The following CRACDL variants were observed in gnomAD, a reference collection of about 807,000 sequenced individuals.
CRACDL encodes CRACD-like protein.
Under a neutral mutation model 70.6 loss-of-function variants are expected in CRACDL, and 26 were observed. The observed-to-expected ratio is 0.37, with a 90% confidence interval of 0.27 to 0.51. CRACDL has a LOEUF of 0.51. CRACDL is among the 20% of genes least tolerant of loss of function. The pLI is 0.94. For missense variants in CRACDL, 1,283 were observed against 1,376.9 expected (o/e 0.93, Z 1.08); for synonymous variants, 618 against 615.2 (o/e 1.00, Z -0.07).
At chr2:98,909,124 G>A (rs2104671490) in intron 1 of CRACDL, among the ~76,000 whole-genome samples, 1 of 152,284 alleles carries the variant, frequency 6.6e-6, no homozygotes, top group Non-Finnish European at 1.5e-5. Context: ...CTCTGGGGAG[G>A]TTTCTTCAGT....
intron 1 of CRACDL, among the ~76,000 whole-genome samples, chr2:98,918,216 G>A (rs1325592707): frequency 6.6e-6 from 1 of 152,094 alleles, no homozygotes; most frequent in Non-Finnish European, 1.5e-5. Context: ...CATACAGCTT[G>A]TACTAATTTA....
chr2:98,794,693 C>T lies in CRACDL; in HGVS notation c.2750-22G>A, dbSNP rs573076500. The T allele has an allele frequency of 1.9e-5, 30 of 1,595,796 alleles. No homozygotes were observed. In the East Asian group the frequency reaches 6.5e-4, roughly 35 times the overall value. ...TGAGCTGCTTGGAAGGGAGACAAAA[C>T]CAACAGAAACATGAGCAGTGACTTC... On this transcript the variant is annotated intron_variant, in intron 9 of 9. Transcript: ENST00000397899.
chr2:98,842,180 C>T (rs919180733), intron 2 of CRACDL, among the ~76,000 whole-genome samples: 3 of 151,882 alleles, frequency 2.0e-5, no homozygotes, highest in Non-Finnish European at 4.4e-5. Flanking sequence ...CTCTCTATGC[C>T]CCTTGTTCCC....
intron 2 of CRACDL, among the ~76,000 whole-genome samples, chr2:98,844,960 A>G (rs992186774): frequency 9.2e-5 from 14 of 152,212 alleles, no homozygotes; most frequent in African/African-American, 3.1e-4. Context: ...GTTTACCCCT[A>G]GTTCACACCT....
At chr2:98,898,951 G>T (rs544034821) in intron 1 of CRACDL, among the ~76,000 whole-genome samples, 1 of 152,320 alleles carries the variant, frequency 6.6e-6, no homozygotes, top group South Asian at 2.1e-4. Context: ...CCAGACAGGG[G>T]TCACAATTCA....
At chr2:98,893,958 G>A (rs373918953) in intron 1 of CRACDL, among the ~76,000 whole-genome samples, 2 of 152,290 alleles carry the variant, frequency 1.3e-5, no homozygotes, top group East Asian at 1.9e-4. Context: ...GGGCATGGGC[G>A]TGGGCATCAG....
intron 1 of CRACDL, chr2:98,869,002 C>T (rs768424297): frequency 9.8e-6 from 9 of 921,938 alleles, no homozygotes; most frequent in African/African-American, 3.4e-5. Flanking sequence ...TGGCCACCCA[C>T]GCCCCGGGAG....
chr2:98,821,204 A>T (rs1413572465), intron 7 of CRACDL, among the ~76,000 whole-genome samples: 3 of 152,102 alleles, frequency 2.0e-5, no homozygotes, highest in Non-Finnish European at 4.4e-5. Flanking sequence ...CTCTTTTTAA[A>T]ACAGACAGGG....
rs1705193333 is a variant in CRACDL at position 98,823,675 on chromosome 2, A to G, written c.736-138T>C. The G allele has an allele frequency of 9.4e-7, 1 of 1,064,032 alleles. No homozygotes were observed. Among genetic ancestry groups the G allele is most frequent in the Admixed American group, 2.3e-5 (1 of 43,116 alleles). The allele number at this position is 1,064,032 out of a possible 1,614,324, so 65.9% of individuals were successfully genotyped here. A position where few individuals can be genotyped will look rare whatever the true frequency, so the allele number is the denominator to read the frequency against. ...CTGGCACTTAAGTAGGCATGTACCC[A>G]CGGGTGTCTTTTCTCAGTCTGTATC... On this transcript the variant is annotated intron_variant, in intron 6 of 9. Coordinates refer to ENST00000397899, the MANE Select transcript of CRACDL (RefSeq NM_207362.3). This position sits in a 1 kb window ranked among gnomAD's most constrained non-coding sequence, Gnocchi z 4.0.
intron 1 of CRACDL, among the ~76,000 whole-genome samples, chr2:98,898,579 ACCT>A (rs948911791): frequency 2.6e-5 from 4 of 152,030 alleles, no homozygotes; most frequent in African/African-American, 9.7e-5. Context: ...GCTGAGTCTG[ACCT>A]CCTTGGCCTG....
intron 1 of CRACDL, among the ~76,000 whole-genome samples, chr2:98,880,788 G>A (rs973930255): frequency 3.9e-5 from 6 of 152,172 alleles, no homozygotes; most frequent in Non-Finnish European, 5.9e-5. Flanking sequence ...GGCAGGTGTC[G>A]GGAGAGCCCC....
Position 98,854,142 on chromosome 2 carries a change from C to T in CRACDL, c.-10-7332G>A, listed in dbSNP as rs182125063. On this transcript the variant is annotated intron_variant, in intron 1 of 9. Transcript: ENST00000397899. ...ACTAAAAATACAAAAATTAGCTGGGCGTGGTAGTGGGCACCTGTAGTCCCA... is the reference window on the plus strand; with the variant it reads ...ACTAAAAATACAAAAATTAGCTGGGTGTGGTAGTGGGCACCTGTAGTCCCA... 6.2e-3 allele frequency among the ~76,000 whole-genome samples: 938 copies of T among 151,410 alleles called. 18 individuals are homozygous for T. Among genetic ancestry groups the T allele is most frequent in the Non-Finnish European group, 4.2e-3 (282 of 67,808 alleles).
chr2:98,809,484 C>T (rs1704463080), intron 7 of CRACDL, among the ~76,000 whole-genome samples: 1 of 152,152 alleles, frequency 6.6e-6, no homozygotes, highest in African/African-American at 2.4e-5. Context: ...AACTGCAGGG[C>T]ACATCTGTTC....
intron 1 of CRACDL, among the ~76,000 whole-genome samples, chr2:98,889,388 G>GA (rs1193710209): frequency 6.6e-6 from 1 of 152,032 alleles, no homozygotes. Context: ...ACTAATAACA[G>GA]AAAAAATATT....
intron 1 of CRACDL, among the ~76,000 whole-genome samples, chr2:98,927,691 A>G (rs1250885742): frequency 6.6e-6 from 1 of 152,184 alleles, no homozygotes; most frequent in East Asian, 1.9e-4. Context: ...ATGGACAAGG[A>G]TGTCTATTGT....
At position 98,827,161 on chromosome 2, in the gene CRACDL, G is replaced by A. The variant is rs953441703; in HGVS notation, c.549C>T (p.Val183=). The change falls in exon 6 of 10, where the codon GTC becomes GTT. Residue 183 remains valine (V), a synonymous_variant. Transcript: ENST00000397899. Reference sequence around the variant, plus strand: ...TGTCGCTCACGTGGTCTGGAGACACGACAGAGACCTTCGTGGGACAAGGAA... The same window carrying A: ...TGTCGCTCACGTGGTCTGGAGACACAACAGAGACCTTCGTGGGACAAGGAA... ...VGPGTTIKVS[V]VSPDHVSDST... 15 of 1,612,720 alleles carry A rather than the reference G, an allele frequency of 9.3e-6. No homozygotes were observed. The highest frequency in any genetic ancestry group is 1.1e-5 in the South Asian group (1 of 91,036).
chr2:98,838,217 C>T lies in CRACDL; in HGVS notation c.141G>A (p.Ser47=), dbSNP rs1705877394. The T allele has an allele frequency of 4.3e-6, 7 of 1,613,572 alleles. No homozygotes were observed. The highest frequency in any genetic ancestry group is 5.1e-6 in the Non-Finnish European group (6 of 1,179,710). ...FGKKKRKESP[S]STGSSTWKQS... ...GTTTCCAGGTGCTACTTCCTGTGGA[C>T]GACGGCGATTCTTTTCTCTTCTTCT... Residue 47 remains serine (S), a synonymous_variant, in exon 3 of 10, where the codon TCG becomes TCA. Coordinates refer to ENST00000397899, the MANE Select transcript of CRACDL (RefSeq NM_207362.3).
chr2:98,838,202 G>A lies in CRACDL; in HGVS notation c.156C>T (p.Ser52=). The A allele has an allele frequency of 6.2e-7, 1 of 1,613,806 alleles. No individual in the cohort carries two copies. Among genetic ancestry groups the A allele is most frequent in the East Asian group, 2.2e-5 (1 of 44,872 alleles). ...TCCTCGTCTGACTTTGTTTCCAGGTGCTACTTCCTGTGGACGACGGCGATT... is the reference window on the plus strand; with the variant it reads ...TCCTCGTCTGACTTTGTTTCCAGGTACTACTTCCTGTGGACGACGGCGATT... ...RKESPSSTGS[S]TWKQSQTRNE... Residue 52 remains serine, a synonymous_variant, in exon 3 of 10, where the codon AGC becomes AGT. Transcript: ENST00000397899.
intron 1 of CRACDL, among the ~76,000 whole-genome samples, chr2:98,934,551 A>C (rs1194927011): frequency 6.6e-6 from 1 of 152,176 alleles, no homozygotes; most frequent in African/African-American, 2.4e-5. Flanking sequence ...TCAGCAGGAC[A>C]GCCACCCGTT....
Sources: allele counts gnomAD v4.1 joint callset (sites outside exome capture counted in the v4.1 genomes callset), GRCh38; gene constraint gnomAD v4.1.1; non-coding constraint Gnocchi (gnomAD v3.1); transcripts MANE v1.5; gene names NCBI Gene and HGNC (gene_info 2026-07-23, HGNC 2026-07-21).